PTPRK: variants seen among roughly 807,000 people sequenced by gnomAD.
The protein encoded by PTPRK is receptor-type tyrosine-protein phosphatase kappa.
In PTPRK, 75 loss-of-function variants were observed where a neutral mutation model predicts 178.0. That is an observed-to-expected ratio of 0.42 (90% CI 0.35 to 0.51). PTPRK has a LOEUF of 0.51. PTPRK is among the 20% of genes least tolerant of loss of function. The pLI, the probability that PTPRK is intolerant of heterozygous loss-of-function variation, is 0.02. For missense variants in PTPRK, 1,441 were observed against 1,797.8 expected (o/e 0.80, Z 3.59); for synonymous variants, 637 against 620.6 (o/e 1.03, Z -0.39).
At chr6:128,357,036 G>C (rs1026960903) in intron 2 of PTPRK, among the ~76,000 whole-genome samples, 1 of 152,174 alleles carries the variant, frequency 6.6e-6, no homozygotes. Context: ...TACTGGGGAA[G>C]CCTAAGAGAG....
At chr6:128,278,213 A>G (rs1319948970) in intron 3 of PTPRK, among the ~76,000 whole-genome samples, 1 of 151,618 alleles carries the variant, frequency 6.6e-6, no homozygotes, top group Non-Finnish European at 1.5e-5. Flanking sequence ...CTGGAGTGCA[A>G]TGGCGTGATC....
intron 7 of PTPRK, among the ~76,000 whole-genome samples, chr6:128,094,986 G>C (rs1365316976): frequency 6.6e-6 from 1 of 152,054 alleles, no homozygotes; most frequent in Non-Finnish European, 1.5e-5. Flanking sequence ...ATGACAGGGG[G>C]CAGGTGAGTT....
chr6:128,157,518 T>C (rs1431427087), intron 7 of PTPRK, among the ~76,000 whole-genome samples: 2 of 152,120 alleles, frequency 1.3e-5, no homozygotes. Flanking sequence ...AGCTTGTGAA[T>C]GGTTAAAAAC....
intron 1 of PTPRK, among the ~76,000 whole-genome samples, chr6:128,415,519 A>AAAAC (rs1172005238): frequency 2.5e-4 from 38 of 151,706 alleles, no homozygotes; most frequent in African/African-American, 8.9e-4. Context: ...AAAAAAAAAA[A>AAAAC]ATTATTCTCA....
At chr6:128,349,544 T>C in intron 2 of PTPRK, among the ~76,000 whole-genome samples, 1 of 152,074 alleles carries the variant, frequency 6.6e-6, no homozygotes, top group East Asian at 1.9e-4. Flanking sequence ...GAGCTGCTGC[T>C]GTTTTACCAC....
At chr6:128,001,306 A>C in intron 15 of PTPRK, 1 of 870,200 alleles carries the variant, frequency 1.1e-6, no homozygotes, top group Non-Finnish European at 1.7e-6. Context: ...AGCATTAAGC[A>C]ATATTTGAAG....
chr6:128,434,501 C>A (rs1000055639), intron 1 of PTPRK, among the ~76,000 whole-genome samples: 1 of 152,138 alleles, frequency 6.6e-6, no homozygotes, highest in Non-Finnish European at 1.5e-5. Flanking sequence ...TGACTTGGAA[C>A]AAACTGCTTA....
At chr6:128,203,379 G>A (rs1404140262) in intron 6 of PTPRK, among the ~76,000 whole-genome samples, 1 of 152,144 alleles carries the variant, frequency 6.6e-6, no homozygotes, top group Admixed American at 6.6e-5. Flanking sequence ...AGACAAGGAC[G>A]TCATCTCTCA....
At chr6:128,018,055 A>T (rs1779816770) in intron 13 of PTPRK, among the ~76,000 whole-genome samples, 1 of 151,486 alleles carries the variant, frequency 6.6e-6, no homozygotes, top group Non-Finnish European at 1.5e-5. Context: ...ATACCAGTTA[A>T]TCATTTTCCC....
At chr6:128,401,256 G>A (rs895080964) in intron 1 of PTPRK, among the ~76,000 whole-genome samples, 10 of 152,082 alleles carry the variant, frequency 6.6e-5, no homozygotes, top group South Asian at 4.1e-4. Flanking sequence ...TTTTTACTCC[G>A]AAACTGCTCG....
intron 5 of PTPRK, among the ~76,000 whole-genome samples, chr6:128,222,611 C>G (rs1810621192): frequency 6.6e-6 from 1 of 152,190 alleles, no homozygotes; most frequent in Non-Finnish European, 1.5e-5. Flanking sequence ...ACAGCCCGTG[C>G]AATTCAGTCT....
chr6:128,208,145 A>T (rs1321290904), intron 6 of PTPRK, among the ~76,000 whole-genome samples: 1 of 152,078 alleles, frequency 6.6e-6, no homozygotes, highest in Non-Finnish European at 1.5e-5. Flanking sequence ...CAGTACACAG[A>T]AATGCCAAAT....
chr6:128,111,206 A>G (rs1274477070), intron 7 of PTPRK, among the ~76,000 whole-genome samples: 1 of 152,192 alleles, frequency 6.6e-6, no homozygotes, highest in Non-Finnish European at 1.5e-5. Context: ...ATTTATCATT[A>G]TATCCTAAGT....
At chr6:128,457,764 A>C (rs1384141137) in intron 1 of PTPRK, among the ~76,000 whole-genome samples, 1 of 152,176 alleles carries the variant, frequency 6.6e-6, no homozygotes, top group Admixed American at 6.6e-5. Flanking sequence ...AAATAGGTCT[A>C]GAGATTATAT....
At chr6:128,354,231 GT>G (rs756148554) in intron 2 of PTPRK, among the ~76,000 whole-genome samples, 7 of 49,364 alleles carry the variant, frequency 1.4e-4, no homozygotes, top group Admixed American at 8.0e-4. Context: ...TTTTGTTTAT[GT>G]TTTTTTTTTT....
intron 7 of PTPRK, among the ~76,000 whole-genome samples, chr6:128,115,720 C>T (rs535296154): frequency 6.6e-6 from 1 of 152,084 alleles, no homozygotes; most frequent in South Asian, 2.1e-4. Flanking sequence ...ATATGATATA[C>T]ATTTTATTAT....
intron 13 of PTPRK, among the ~76,000 whole-genome samples, chr6:128,058,062 A>G (rs908420654): frequency 2.0e-5 from 3 of 152,078 alleles, no homozygotes; most frequent in Admixed American, 6.5e-5. Context: ...TACTTATCCA[A>G]TCTACTACTG....
At chr6:128,111,118 A>G (rs1790585637) in intron 7 of PTPRK, among the ~76,000 whole-genome samples, 2 of 152,200 alleles carry the variant, frequency 1.3e-5, no homozygotes, top group South Asian at 2.1e-4. Context: ...GGCATATTTA[A>G]AAATGCATCC....
intron 3 of PTPRK, among the ~76,000 whole-genome samples, chr6:128,281,358 G>A (rs1051489913): frequency 1.3e-5 from 2 of 152,138 alleles, no homozygotes; most frequent in Non-Finnish European, 1.5e-5. Context: ...TGTATCTTAC[G>A]CATATTTTAG....
Sources: allele counts gnomAD v4.1 joint callset (sites outside exome capture counted in the v4.1 genomes callset), GRCh38; gene constraint gnomAD v4.1.1; transcripts MANE v1.5; gene names NCBI Gene and HGNC (gene_info 2026-07-23, HGNC 2026-07-21).